ZNF521: variants seen among roughly 807,000 people sequenced by gnomAD.
ZNF521 encodes the protein zinc finger protein 521, also known as LYST-interacting protein 3.
Under a neutral mutation model 105.5 loss-of-function variants are expected in ZNF521, and 14 were observed. That is an observed-to-expected ratio of 0.13 (90% CI 0.09 to 0.21). The LOEUF (loss-of-function observed/expected upper bound fraction) is 0.21, where lower values mean the gene tolerates loss of function less well. ZNF521 is among the 10% of genes least tolerant of loss of function. ZNF521 has a pLI of 1.00. For missense variants in ZNF521, 1,233 were observed against 1,629.7 expected, an observed-to-expected ratio of 0.76 and a Z score of 4.19; for synonymous variants, 635 against 606.0, an observed-to-expected ratio of 1.05 and a Z score of -0.70.
In ZNF521 at chr18:25,322,198, T is replaced by C. The variant is rs1448854056; in HGVS notation, c.41-11A>G. ...GTTTACAGTTGGGGTCTGAAAAATA[T>C]CAACACTGTAAGTATGGGGTTTAAA... On this transcript the variant is annotated splice_polypyrimidine_tract_variant and intron_variant, in intron 2 of 7. Coordinates refer to ENST00000361524, the MANE Select transcript of ZNF521 (RefSeq NM_015461.3). 2 of 1,613,574 alleles carry C rather than the reference T, an allele frequency of 1.2e-6. No homozygotes were observed. The highest frequency in any genetic ancestry group is 1.7e-6 in the Non-Finnish European group (2 of 1,179,488).
chr18:25,092,969 TA>T (rs2033778195), intron 5 of ZNF521, among the ~76,000 whole-genome samples: 1 of 152,202 alleles, frequency 6.6e-6, no homozygotes. Flanking sequence ...TTGTAAGGTA[TA>T]AAAAACCAGG....
chr18:25,112,871 C>T (rs1007668052), intron 5 of ZNF521, among the ~76,000 whole-genome samples: 10 of 152,106 alleles, frequency 6.6e-5, no homozygotes, highest in African/African-American at 2.4e-4. Flanking sequence ...AGTCTGCATG[C>T]CGTAGATTTA....
At chr18:25,301,807 T>C (rs902546065) in intron 3 of ZNF521, 3 of 152,204 alleles carry the variant, frequency 2.0e-5, no homozygotes, top group African/African-American at 7.2e-5. Flanking sequence ...TACAGATAAA[T>C]ATCTGGTGCA....
intron 3 of ZNF521, among the ~76,000 whole-genome samples, chr18:25,316,107 A>G (rs952578148): frequency 2.6e-5 from 4 of 152,106 alleles, no homozygotes; most frequent in African/African-American, 7.2e-5. Flanking sequence ...AGGGCCAAAC[A>G]TGTCAGTAAC....
At chr18:25,133,390 T>G (rs1033906435) in intron 5 of ZNF521, among the ~76,000 whole-genome samples, 5 of 152,186 alleles carry the variant, frequency 3.3e-5, no homozygotes, top group African/African-American at 1.2e-4. Context: ...TTCTTGAGGC[T>G]AAGATTTGGC....
intron 5 of ZNF521, among the ~76,000 whole-genome samples, chr18:25,092,944 T>G (rs932461525): frequency 1.3e-5 from 2 of 152,214 alleles, no homozygotes; most frequent in Admixed American, 1.3e-4. Flanking sequence ...TATCCTAACT[T>G]ATTTCATTGT....
At chr18:25,261,680 A>G (rs889495149) in intron 3 of ZNF521, among the ~76,000 whole-genome samples, 3 of 151,630 alleles carry the variant, frequency 2.0e-5, no homozygotes, top group African/African-American at 7.3e-5. Flanking sequence ...TAATTTTTAA[A>G]AGCCACTCAA....
Position 25,225,027 on chromosome 18 carries a change from C to T in ZNF521, c.2891G>A (p.Cys964Tyr). 1 of 1,614,192 alleles carries T rather than the reference C, an allele frequency of 6.2e-7. No individual in the cohort carries two copies. ...TAAAAGGGAGGGAAACCGCTCTCCG[C>T]AAATAGGGCACATGTAGTGTTTGAC... ...GPVKHYMCPI[C>Y]GERFPSLLTL... Residue 964 changes from cysteine to tyrosine, a missense_variant, in exon 4 of 8, where the codon TGC becomes TAC. Physicochemically the swap from Cys to Tyr is radical, Grantham distance 194. Coordinates refer to ENST00000361524, the MANE Select transcript of ZNF521 (RefSeq NM_015461.3). The surrounding 1 kb of genome is among the most constrained non-coding windows in gnomAD (Gnocchi z 5.6).
chr18:25,333,345 T>C (rs1913696901), intron 2 of ZNF521, among the ~76,000 whole-genome samples: 1 of 151,146 alleles, frequency 6.6e-6, no homozygotes. Context: ...CACACATATA[T>C]ATATGTAAAT....
chr18:25,342,952 A>AT (rs1914288764), intron 2 of ZNF521, among the ~76,000 whole-genome samples: 1 of 152,204 alleles, frequency 6.6e-6, no homozygotes. Context: ...AATGCTGGAA[A>AT]TTGTTTCTTG....
At position 25,089,473 on chromosome 18, in the gene ZNF521, C is replaced by G; in HGVS notation, c.3898G>C (p.Glu1300Gln). ...CCCCATGAGGACATTACCTGCAGCT[C>G]TGTTTGGAAGAAAAACTTCTGTGGA... ...QCPQKFFFQT[E>Q]LQNHTMTQHS... The change falls in exon 7 of 8, where the codon GAG becomes CAG. Residue 1300 changes from glutamate to glutamine, a missense_variant. Transcript: ENST00000361524. The G allele has an allele frequency of 6.2e-7, 1 of 1,613,532 alleles. No individual in the cohort carries two copies. The highest frequency in any genetic ancestry group is 8.5e-7 in the Non-Finnish European group (1 of 1,179,478).
chr18:25,311,307 TA>T (rs2145108906), intron 3 of ZNF521, among the ~76,000 whole-genome samples: 1 of 148,784 alleles, frequency 6.7e-6, no homozygotes, highest in Admixed American at 6.7e-5. Context: ...ACCCACTCCT[TA>T]TAAAAGGAAA....
At chr18:25,178,147 A>G (rs2035566536) in intron 5 of ZNF521, among the ~76,000 whole-genome samples, 1 of 152,200 alleles carries the variant, frequency 6.6e-6, no homozygotes, top group Non-Finnish European at 1.5e-5. Flanking sequence ...TTCCTTTCTC[A>G]TGTTTAAATG....
chr18:25,255,246 A>T lies in ZNF521; in HGVS notation c.221-27549T>A, dbSNP rs533733154. On this transcript the variant is annotated intron_variant, in intron 3 of 7. Transcript: ENST00000361524. ...ATGAACCTGTTTGAGATTACTTTATATTTTTACAATTATTATTGTTAACAG... is the reference window on the plus strand; with the variant it reads ...ATGAACCTGTTTGAGATTACTTTATTTTTTTACAATTATTATTGTTAACAG... 1.3e-3 allele frequency among the ~76,000 whole-genome samples: 199 copies of T among 152,200 alleles called. 1 individual carries two copies. Among genetic ancestry groups the T allele is most frequent in the African/African-American group, 4.7e-3 (194 of 41,554 alleles).
At chr18:25,213,708 TGTGTATGTTTAG>T (rs1345594665) in intron 4 of ZNF521, among the ~76,000 whole-genome samples, 5 of 152,162 alleles carry the variant, frequency 3.3e-5, no homozygotes, top group African/African-American at 9.7e-5. Context: ...TTTGAAATTA[TGTGTATGTTTAG>T]GGCGACTCAT....
At chr18:25,313,360 A>C (rs1912427785) in intron 3 of ZNF521, among the ~76,000 whole-genome samples, 1 of 152,006 alleles carries the variant, frequency 6.6e-6, no homozygotes, top group South Asian at 2.1e-4. Context: ...CAGGATACTG[A>C]TAGTCAAGCA....
intron 5 of ZNF521, among the ~76,000 whole-genome samples, chr18:25,175,756 T>C (rs1033807407): frequency 1.3e-5 from 2 of 152,198 alleles, no homozygotes; most frequent in Non-Finnish European, 2.9e-5. Context: ...CAAATGGCCA[T>C]TTATCATACC....
rs185438425 is a variant in ZNF521, at chr18:25,067,723, G to A, written c.3907-4982C>T. On this transcript the variant is annotated intron_variant, in intron 7 of 7. Coordinates refer to ENST00000361524, the MANE Select transcript of ZNF521 (RefSeq NM_015461.3). ...TTCAGCTTTGGAGGAAAGCCAGGGG[G>A]AACCTATCTTCCTAGAGTTGAAAAA... Among the ~76,000 whole-genome samples the A allele has an allele frequency of 3.8e-3, 579 of 152,274 alleles. 2 individuals carry two copies. Among genetic ancestry groups the A allele is most frequent in the South Asian group, 0.025 (122 of 4,824 alleles).
chr18:25,072,259 A>G (rs2033244356), intron 7 of ZNF521, among the ~76,000 whole-genome samples: 1 of 152,242 alleles, frequency 6.6e-6, no homozygotes, highest in Non-Finnish European at 1.5e-5. Flanking sequence ...AGTTGCTAAC[A>G]TAGAACAATT....
Sources: allele counts gnomAD v4.1 joint callset (sites outside exome capture counted in the v4.1 genomes callset), GRCh38; gene constraint gnomAD v4.1.1; non-coding constraint Gnocchi (gnomAD v3.1); transcripts MANE v1.5; gene names NCBI Gene and HGNC (gene_info 2026-07-23, HGNC 2026-07-21).